MTFR1: variants seen among roughly 807,000 people sequenced by gnomAD.
MTFR1 encodes mitochondrial fission regulator 1.
MTFR1 carries 28 observed loss-of-function variants against 38.8 expected under a neutral mutation model. That is an observed-to-expected ratio of 0.72 (90% CI 0.53 to 0.99). The LOEUF (loss-of-function observed/expected upper bound fraction) is 0.99, where lower values mean the gene tolerates loss of function less well. Among genes scored for constraint, MTFR1 ranks in the 50% least tolerant of loss-of-function variants. The pLI is 0.00. For synonymous variants in MTFR1, 145 were observed against 137.0 expected (o/e 1.06, Z -0.41); for missense variants, 358 against 395.5 (o/e 0.91, Z 0.81).
chr8:65,723,699 CT>C (rs1806490989), intron 3 of MTFR1: 1 of 980,348 alleles, frequency 1.0e-6, no homozygotes. Flanking sequence ...TTGAACATAC[CT>C]GTGCATTTCT....
chr8:65,734,512 T>C (rs1288952322), intron 3 of MTFR1, among the ~76,000 whole-genome samples: 2 of 152,186 alleles, frequency 1.3e-5, no homozygotes, highest in East Asian at 3.9e-4. Flanking sequence ...CCTGCCCACA[T>C]GGAGCCCATG....
At chr8:65,683,677 A>G (rs1804977335) in intron 3 of MTFR1, among the ~76,000 whole-genome samples, 1 of 152,180 alleles carries the variant, frequency 6.6e-6, no homozygotes, top group Non-Finnish European at 1.5e-5. Context: ...TCATGTTCTT[A>G]AATCACTCCT....
chr8:65,707,065 A>ACCCCC lies in MTFR1; in HGVS notation c.575_576insCCCCC (p.Leu194ArgfsTer19). On this transcript the variant is annotated frameshift_variant, in exon 6 of 8. Coordinates refer to ENST00000262146, the MANE Select transcript of MTFR1 (RefSeq NM_014637.4). LOFTEE classifies it high-confidence loss of function. ...TACCACCACACCCTCCACCTCCCCC[A>ACCCCC]CCGCCCCTGCCTCCCCCTGCACTGG... 7.0e-7 allele frequency: 1 copy of ACCCCC among 1,423,350 alleles called. No individual in the cohort carries two copies. The highest frequency in any genetic ancestry group is 9.7e-7 in the Non-Finnish European group (1 of 1,034,406). 88.2% of individuals were successfully genotyped at this position (1,423,350 alleles called of 1,614,324 possible).
chr8:65,664,612 T>G (rs1034661301), intron 1 of MTFR1, among the ~76,000 whole-genome samples: 3 of 139,914 alleles, frequency 2.1e-5, no homozygotes, highest in Admixed American at 6.9e-5. Context: ...TTTCCTTTGT[T>G]TTTTTTTTTT....
chr8:65,656,604 C>T (rs1398864287), intron 1 of MTFR1, among the ~76,000 whole-genome samples: 8 of 150,452 alleles, frequency 5.3e-5, no homozygotes, highest in Admixed American at 2.7e-4. Flanking sequence ...CAGATTCAAG[C>T]GATTCTCACG....
intron 4 of MTFR1, among the ~76,000 whole-genome samples, chr8:65,703,515 C>T (rs1805685713): frequency 7.3e-6 from 1 of 137,614 alleles, no homozygotes; most frequent in Admixed American, 7.8e-5. Flanking sequence ...CTCACTGCAA[C>T]TGCCGCCTCC....
downstream of MTFR1, among the ~76,000 whole-genome samples, chr8:65,711,974 G>T (rs968178296): frequency 9.2e-5 from 14 of 152,242 alleles, no homozygotes; most frequent in East Asian, 2.3e-3. Flanking sequence ...ATACCAAATG[G>T]TTATCCCAGG....
chr8:65,773,339 A>G (rs551377862), downstream of MTFR1, among the ~76,000 whole-genome samples: 9 of 152,346 alleles, frequency 5.9e-5, no homozygotes, highest in South Asian at 1.9e-3. Context: ...TTGTTTTGTA[A>G]TAACTATAGG....
intron 3 of MTFR1, among the ~76,000 whole-genome samples, chr8:65,747,053 A>C (rs1807704483): frequency 6.6e-6 from 1 of 152,252 alleles, no homozygotes; most frequent in Non-Finnish European, 1.5e-5. Flanking sequence ...AATTATATAA[A>C]GAGGAAGTAA....
At chr8:65,644,577 G>A (rs1205505742), upstream of MTFR1, among the ~76,000 whole-genome samples, 1 of 152,210 alleles carries the variant, frequency 6.6e-6, no homozygotes, top group African/African-American at 2.4e-5. Flanking sequence ...TGCGCACACC[G>A]ACTGTGACTC....
chr8:65,670,809 A>G (rs1333361343), intron 2 of MTFR1, among the ~76,000 whole-genome samples: 3 of 151,922 alleles, frequency 2.0e-5, no homozygotes, highest in Non-Finnish European at 4.4e-5. Flanking sequence ...GGTTCAAACA[A>G]TTCTCCTGCC....
chr8:65,749,829 T>C (rs1807852895), intron 3 of MTFR1, among the ~76,000 whole-genome samples: 1 of 152,234 alleles, frequency 6.6e-6, no homozygotes, highest in Non-Finnish European at 1.5e-5. Flanking sequence ...ATTTCTACAG[T>C]ATTGTTTATT....
chr8:65,774,935 A>G (rs1203006064), downstream of MTFR1, among the ~76,000 whole-genome samples: 2 of 152,320 alleles, frequency 1.3e-5, 1 homozygote, highest in South Asian at 4.1e-4. Flanking sequence ...GGCAAATAAC[A>G]TCTTAGTATT....
At chr8:65,769,996 T>C (rs114230780) in intron 3 of MTFR1, among the ~76,000 whole-genome samples, 4,623 of 152,316 alleles carry the variant, frequency 0.03, 253 homozygotes, top group African/African-American at 0.11. Flanking sequence ...ACCATACTCT[T>C]AAAAATTTTT....
intron 3 of MTFR1, among the ~76,000 whole-genome samples, chr8:65,736,442 T>A (rs188135204): frequency 2.8e-4 from 42 of 152,286 alleles, no homozygotes; most frequent in African/African-American, 1.0e-3. Flanking sequence ...ATACTACTTA[T>A]AATTAATACA....
chr8:65,720,033 A>G (rs1806309113), intron 3 of MTFR1, among the ~76,000 whole-genome samples: 1 of 152,230 alleles, frequency 6.6e-6, no homozygotes, highest in Admixed American at 6.5e-5. Flanking sequence ...AAAACTTATG[A>G]TAAGAGTCAG....
At chr8:65,762,935 G>A (rs547172051) in intron 3 of MTFR1, among the ~76,000 whole-genome samples, 2 of 151,770 alleles carry the variant, frequency 1.3e-5, no homozygotes, top group Admixed American at 1.3e-4. Context: ...CCAGGAGTTC[G>A]AGACCAGCCT....
At chr8:65,745,990 C>T (rs192289201) in intron 3 of MTFR1, among the ~76,000 whole-genome samples, 4 of 151,810 alleles carry the variant, frequency 2.6e-5, no homozygotes, top group Non-Finnish European at 4.4e-5. Context: ...TGCAGTGGCA[C>T]AAACAAGACG....
chr8:65,699,182 C>T (rs73240732), intron 4 of MTFR1, among the ~76,000 whole-genome samples: 37,662 of 152,084 alleles, frequency 0.25, 5,026 homozygotes, highest in African/African-American at 0.34. Context: ...TCCTTGTTTT[C>T]TGTGACTGTG....
Sources: gnomAD v4.1 joint callset for allele counts (sites outside exome capture counted in the v4.1 genomes callset) on GRCh38, gnomAD v4.1.1 for gene constraint, MANE v1.5 for transcripts, NCBI Gene and HGNC (gene_info 2026-07-23, HGNC 2026-07-21) for gene names.